The following RBM33 variants were observed in gnomAD, a reference collection of about 807,000 sequenced individuals.
RBM33 encodes RNA-binding protein 33.
In RBM33, 28 loss-of-function variants were observed where a neutral mutation model predicts 132.6. The observed-to-expected ratio is 0.21, with a 90% CI of 0.16 to 0.29. The LOEUF is 0.29. Ranked by LOEUF, RBM33 falls within the 10% of genes least tolerant of loss-of-function variation. The pLI is 1.00. For synonymous variants in RBM33, 634 were observed against 593.0 expected, an observed-to-expected ratio of 1.07 and a Z score of -1.01; for missense variants, 1,291 against 1,518.5, an observed-to-expected ratio of 0.85 and a Z score of 2.49.
intron 5 of RBM33, chr7:155,685,105 G>T: frequency 6.6e-7 from 1 of 1,519,738 alleles, no homozygotes; most frequent in South Asian, 1.2e-5. Context: ...CCCTCCCCCA[G>T]ACTTAAAATG....
intron 14 of RBM33, among the ~76,000 whole-genome samples, chr7:155,752,712 C>T (rs1044813408): frequency 2.6e-5 from 4 of 152,150 alleles, no homozygotes; most frequent in Admixed American, 1.3e-4. Flanking sequence ...CTCAGCACTT[C>T]GGTTGGGGTT....
chr7:155,705,592 C>T (rs997735266), intron 6 of RBM33, among the ~76,000 whole-genome samples: 4 of 152,142 alleles, frequency 2.6e-5, no homozygotes, highest in African/African-American at 7.2e-5. Flanking sequence ...ATATTGAAAG[C>T]GTACCCTTGG....
In RBM33 at chr7:155,661,589, G is replaced by A. The variant is rs145872581; in HGVS notation, c.44-3586G>A. ...CATCTGGCTAATTTTTGTATTTTTA[G>A]TAGAGACGGAGTTTCGCCATGTTGG... On this transcript the variant is annotated intron_variant, in intron 1 of 17. Coordinates refer to ENST00000401878, the MANE Select transcript of RBM33 (RefSeq NM_053043.3). 7.0e-3 allele frequency among the ~76,000 whole-genome samples: 1,055 copies of A among 151,646 alleles called. 17 individuals are homozygous for A. Among genetic ancestry groups the A allele is most frequent in the African/African-American group, 0.024 (992 of 41,302 alleles).
At chr7:155,722,077 C>G (rs1050069646) in intron 9 of RBM33, among the ~76,000 whole-genome samples, 4 of 152,214 alleles carry the variant, frequency 2.6e-5, no homozygotes, top group Admixed American at 2.6e-4. Flanking sequence ...GATTTATGTA[C>G]TTAATTTTAG....
intron 5 of RBM33, among the ~76,000 whole-genome samples, chr7:155,691,468 ATTGT>A (rs1242832940): frequency 6.6e-6 from 1 of 151,914 alleles, no homozygotes; most frequent in Admixed American, 6.6e-5. Flanking sequence ...AACTAATTTT[ATTGT>A]TTGTTTTTCC....
In RBM33 at chr7:155,741,964, C is replaced by T. The variant is rs1449661772; in HGVS notation, c.2195C>T (p.Ala732Val). Residue 732 changes from alanine (A) to valine (V), a missense_variant, in exon 13 of 18, where the codon GCA becomes GTA. Coordinates refer to ENST00000401878, the MANE Select transcript of RBM33 (RefSeq NM_053043.3). ...AGCCGCTGCTCTGCCACGCCCTCAG[C>T]ACAAGTGAAACCTATCGTCAGCGCG... ...SSSRCSATPS[A>V]QVKPIVSASP... The T allele has an allele frequency of 6.2e-7, 1 of 1,614,040 alleles. No homozygotes were observed. Among genetic ancestry groups the T allele is most frequent in the South Asian group, 1.1e-5 (1 of 91,078 alleles).
rs564157093 is a variant in RBM33, at chr7:155,645,171, A to T, written c.43+252A>T. 2.2e-4 allele frequency: 90 copies of T among 408,182 alleles called. 1 individual carries two copies. In the South Asian group the frequency reaches 3.8e-3, roughly 17 times the overall value. The allele number at this position is 408,182 out of a possible 1,614,324, so 25.3% of individuals were successfully genotyped here. On this transcript the variant is annotated intron_variant, in intron 1 of 17. Transcript: ENST00000401878. ...TGTCCTCTACTTTGCAAGGCTGCCTAAGTGTCAGGCCCATCTCTGGCGTTG... is the reference window on the plus strand; with the variant it reads ...TGTCCTCTACTTTGCAAGGCTGCCTTAGTGTCAGGCCCATCTCTGGCGTTG...
At chr7:155,730,312 A>G (rs1268636728) in intron 9 of RBM33, among the ~76,000 whole-genome samples, 2 of 152,206 alleles carry the variant, frequency 1.3e-5, no homozygotes, top group Admixed American at 6.5e-5. Flanking sequence ...GGGAATCTAT[A>G]CTGATTTGGT....
rs956617639 is a variant in RBM33 at position 155,781,146 on chromosome 7, G to A, written c.*6105G>A. ...CGGGCTGCACCGGGTGGCTCTGGTT[G>A]GGGGCGAAGCTGTGTTGACTGGGAG... On this transcript the variant is annotated 3_prime_UTR_variant, in exon 18 of 18. Coordinates refer to ENST00000401878, the MANE Select transcript of RBM33 (RefSeq NM_053043.3). 1 of 152,926 alleles carries A rather than the reference G, an allele frequency of 6.5e-6. No homozygotes were observed. The highest frequency in any genetic ancestry group is 2.4e-5 in the African/African-American group (1 of 41,470). 9.5% of individuals were successfully genotyped at this position (152,926 alleles called of 1,614,324 possible).
chr7:155,770,323 C>T (rs1802377833), intron 16 of RBM33, among the ~76,000 whole-genome samples: 1 of 152,214 alleles, frequency 6.6e-6, no homozygotes, highest in Admixed American at 6.5e-5. Flanking sequence ...CTTCAGGCGC[C>T]CTATTTCCAA....
Position 155,777,573 on chromosome 7 carries a change from G to A in RBM33, c.*2532G>A, listed in dbSNP as rs1248732107. The A allele has an allele frequency of 5.9e-5, 9 of 152,466 alleles. No individual in the cohort carries two copies. The highest frequency in any genetic ancestry group is 3.9e-4 in the Admixed American group (6 of 15,288). The allele number at this position is 152,466 out of a possible 1,614,324, so 9.4% of individuals were successfully genotyped here. The stretch of plus-strand genomic sequence containing the variant: ...GTCAGCCCACACCAGCCAAACCCTC[G>A]TGGAAGATCTGCTGCAACCATTATC... On this transcript the variant is annotated 3_prime_UTR_variant, in exon 18 of 18. Coordinates refer to ENST00000401878, the MANE Select transcript of RBM33 (RefSeq NM_053043.3).
At chr7:155,673,531 CATAT>C (rs570858327) in intron 3 of RBM33, among the ~76,000 whole-genome samples, 1 of 120,966 alleles carries the variant, frequency 8.3e-6, no homozygotes, top group Admixed American at 8.0e-5. Flanking sequence ...TATATACACA[CATAT>C]ATACATACAC....
In RBM33 at chr7:155,677,966, A is replaced by AC. The variant is rs200120077; in HGVS notation, c.172-635dup. Reference sequence around the variant, plus strand: ...TAAGTAGTGAGACAGTGTGAATAACACCCCCCCAACCTAATCTAAGATGCT... The same window carrying AC: ...TAAGTAGTGAGACAGTGTGAATAACACCCCCCCCAACCTAATCTAAGATGCT... On this transcript the variant is annotated intron_variant, in intron 3 of 17. Coordinates refer to ENST00000401878, the MANE Select transcript of RBM33 (RefSeq NM_053043.3). Among the ~76,000 whole-genome samples the AC allele has an allele frequency of 5.3e-3, 798 of 151,966 alleles. 3 individuals carry two copies. Among genetic ancestry groups the AC allele is most frequent in the African/African-American group, 0.017 (684 of 41,420 alleles).
At chr7:155,739,571 AC>A in intron 11 of RBM33, 143 bp from the exon 12 acceptor site, 4 of 820,714 alleles carry the variant, frequency 4.9e-6, no homozygotes, top group Non-Finnish European at 7.5e-6. Flanking sequence ...AGATAGTATT[AC>A]CTTCATCAGC....
chr7:155,739,579 C>T (rs1311804392), intron 11 of RBM33, 136 bp from the exon 12 acceptor site: 15 of 911,022 alleles, frequency 1.6e-5, no homozygotes, highest in Non-Finnish European at 1.5e-5. Context: ...TTACCTTCAT[C>T]AGCAAGTCTA....
intron 14 of RBM33, among the ~76,000 whole-genome samples, chr7:155,761,627 T>A (rs1211160398): frequency 6.6e-6 from 1 of 152,202 alleles, no homozygotes; most frequent in Non-Finnish European, 1.5e-5. Flanking sequence ...ATTGCGGTGA[T>A]CCCTCTTTGT....
chr7:155,755,015 CT>C (rs1246800170), intron 14 of RBM33, among the ~76,000 whole-genome samples: 1 of 152,214 alleles, frequency 6.6e-6, no homozygotes, highest in Non-Finnish European at 1.5e-5. Context: ...CTTTTACCCC[CT>C]CTTCTTTAAT....
intron 5 of RBM33, among the ~76,000 whole-genome samples, chr7:155,699,825 T>A (rs1799907508): frequency 6.6e-6 from 1 of 152,236 alleles, no homozygotes; most frequent in African/African-American, 2.4e-5. Flanking sequence ...CATTTTCTAA[T>A]AAAGTTCACT....
intron 14 of RBM33, among the ~76,000 whole-genome samples, chr7:155,761,482 C>G (rs1212441943): frequency 6.6e-6 from 1 of 152,100 alleles, no homozygotes; most frequent in Non-Finnish European, 1.5e-5. Flanking sequence ...GTCTTTACTT[C>G]TTAGAGTTCT....
Sources: gnomAD v4.1 joint callset for allele counts (sites outside exome capture counted in the v4.1 genomes callset) on GRCh38, gnomAD v4.1.1 for gene constraint, MANE v1.5 for transcripts, NCBI Gene and HGNC (gene_info 2026-07-23, HGNC 2026-07-21) for gene names.